KDM1A: variants seen among roughly 807,000 people sequenced by gnomAD.
The protein encoded by KDM1A is lysine-specific histone demethylase 1A.
In KDM1A, 49 loss-of-function variants were observed where a neutral mutation model predicts 109.4. The ratio of observed to expected loss-of-function variants is 0.45; its 90% CI spans 0.36 to 0.57. The LOEUF (loss-of-function observed/expected upper bound fraction) is 0.57. KDM1A is among the 20% of genes least tolerant of loss of function. The pLI, the probability that KDM1A is intolerant of heterozygous loss-of-function variation, is 0.00. For missense variants in KDM1A, 668 were observed against 1,116.6 expected, an observed-to-expected ratio of 0.60 and a Z score of 5.73; for synonymous variants, 380 against 415.4, an observed-to-expected ratio of 0.91 and a Z score of 1.04.
In KDM1A at chr1:23,055,175, A is replaced by G. The variant is rs369397752; in HGVS notation, c.883+14A>G. ...AACCCCTACCAAGTAAGGACCTCCT[A>G]CCTGGCTGATAAATTTTACATTTTT... On this transcript the variant is annotated intron_variant, in intron 6 of 20. Coordinates refer to ENST00000400181, the MANE Select transcript of KDM1A (RefSeq NM_001009999.3). The G allele has an allele frequency of 1.7e-5, 25 of 1,510,384 alleles. No homozygotes were observed. In the East Asian group the frequency reaches 3.0e-4, roughly 18 times the overall value. 93.6% of individuals were successfully genotyped at this position (1,510,384 alleles called of 1,614,324 possible).
At chr1:23,040,053 A>G (rs922464086) in intron 2 of KDM1A, among the ~76,000 whole-genome samples, 1 of 152,256 alleles carries the variant, frequency 6.6e-6, no homozygotes. Context: ...TTCAATTGAA[A>G]TCAGTAGGTT....
intron 9 of KDM1A, among the ~76,000 whole-genome samples, chr1:23,063,204 G>T (rs1311552607): frequency 1.2e-5 from 1 of 80,566 alleles, no homozygotes; most frequent in Non-Finnish European, 2.7e-5. Flanking sequence ...ATTGGGGGGG[G>T]GGTGTGGTGT....
chr1:23,020,686 C>A (rs1307847371), intron 1 of KDM1A: 1 of 152,192 alleles, frequency 6.6e-6, no homozygotes, highest in Non-Finnish European at 1.5e-5. Context: ...GTGTCACCAA[C>A]ATTACTTTTT....
chr1:23,070,322 T>A (rs950390533), intron 12 of KDM1A, among the ~76,000 whole-genome samples: 40 of 151,890 alleles, frequency 2.6e-4, no homozygotes, highest in Admixed American at 1.6e-3. Context: ...ATACAAAAAA[T>A]TTGCTGGGCA....
chr1:23,040,494 G>A (rs537792096), intron 2 of KDM1A, among the ~76,000 whole-genome samples: 2 of 152,268 alleles, frequency 1.3e-5, no homozygotes, highest in Admixed American at 6.5e-5. Flanking sequence ...CAAATAAGCT[G>A]TATGAAGAGT....
chr1:23,083,274 A>G lies in KDM1A; in HGVS notation c.2541A>G (p.Gly847=), dbSNP rs1401643326. The change falls in exon 21 of 21, where the codon GGA becomes GGG. Residue 847 remains glycine, a synonymous_variant. Coordinates refer to ENST00000400181, the MANE Select transcript of KDM1A (RefSeq NM_001009999.3). ...TGCTGAGTGGGCTGCGAGAAGCGGG[A>G]AGAATTGCAGACCAGTTTTTGGGGG... ...GALLSGLREA[G]RIADQFLGAM... The G allele has an allele frequency of 6.2e-7, 1 of 1,613,802 alleles. No individual in the cohort carries two copies. The highest frequency in any genetic ancestry group is 8.5e-7 in the Non-Finnish European group (1 of 1,179,980).
At chr1:23,074,020 T>G (rs1396692761) in intron 15 of KDM1A, among the ~76,000 whole-genome samples, 1 of 152,244 alleles carries the variant, frequency 6.6e-6, no homozygotes, top group African/African-American at 2.4e-5. Context: ...CTATGGAAAG[T>G]GGATTTTTAA....
intron 4 of KDM1A, 105 bp from the exon 5 acceptor site, chr1:23,053,656 G>A (rs907257988): frequency 9.8e-5 from 75 of 766,596 alleles, no homozygotes; most frequent in Middle Eastern, 9.7e-4. Flanking sequence ...AAACTGCTGG[G>A]ATTATAGGTG....
At chr1:23,064,001 C>T (rs755764375) in intron 9 of KDM1A, among the ~76,000 whole-genome samples, 1 of 152,212 alleles carries the variant, frequency 6.6e-6, no homozygotes, top group African/African-American at 2.4e-5. Flanking sequence ...GATTCTCCCC[C>T]TCAGCCTCGT....
At chr1:23,040,998 TG>T (rs1281766007) in intron 2 of KDM1A, among the ~76,000 whole-genome samples, 2 of 152,214 alleles carry the variant, frequency 1.3e-5, no homozygotes, top group Admixed American at 1.3e-4. Flanking sequence ...CTGCTGTTAA[TG>T]TGTCCTGAGC....
rs1039952580 is a variant in KDM1A, at chr1:23,071,429, T to C, written c.1548+70T>C. ...AGAAATAGCACAGATCTGGGGAATT[T>C]TGGAAAAGAGAGCCACTAGCCAATC... On this transcript the variant is annotated intron_variant, in intron 13 of 20. Coordinates refer to ENST00000400181, the MANE Select transcript of KDM1A (RefSeq NM_001009999.3). 8.1e-6 allele frequency: 12 copies of C among 1,472,508 alleles called. No individual in the cohort carries two copies. The East Asian group carries it at 9.4e-5, about 11-fold the overall frequency. 91.2% of individuals were successfully genotyped at this position (1,472,508 alleles called of 1,614,324 possible). A position where few individuals can be genotyped will look rare whatever the true frequency, so the allele number is the denominator to read the frequency against.
At position 23,079,227 on chromosome 1, in the gene KDM1A, GTCT is replaced by G. The variant is rs1269790100; in HGVS notation, c.2055+53_2055+55del. On this transcript the variant is annotated intron_variant, in intron 17 of 20. Coordinates refer to ENST00000400181, the MANE Select transcript of KDM1A (RefSeq NM_001009999.3). This position sits in a 1 kb window ranked among gnomAD's most constrained non-coding sequence, Gnocchi z 5.6. ...CTACAGATCTGATGTACAAATAGCAGTCTTCGTTGTTTACTTGGTGAGGAGGTG... is the reference window on the plus strand; with the variant it reads ...CTACAGATCTGATGTACAAATAGCAGTCGTTGTTTACTTGGTGAGGAGGTG... The G allele has an allele frequency of 5.8e-6, 9 of 1,560,334 alleles. No homozygotes were observed. The highest frequency in any genetic ancestry group is 7.8e-6 in the Non-Finnish European group (9 of 1,147,442).
At position 23,072,212 on chromosome 1, in the gene KDM1A, C is replaced by CA; in HGVS notation, c.1622+16dup. 1 of 1,586,374 alleles carries CA rather than the reference C, an allele frequency of 6.3e-7. No homozygotes were observed. Among genetic ancestry groups the CA allele is most frequent in the Non-Finnish European group, 8.6e-7 (1 of 1,157,662 alleles). On this transcript the variant is annotated intron_variant, in intron 14 of 20. Coordinates refer to ENST00000400181, the MANE Select transcript of KDM1A (RefSeq NM_001009999.3). The stretch of plus-strand genomic sequence containing the variant: ...AATCCCCCAAGGTAAGGAAAACAAA[C>CA]ACAAAAGTTCAGAGGGAGAGCTTTT...
intron 9 of KDM1A, among the ~76,000 whole-genome samples, chr1:23,064,378 C>G (rs76642504): frequency 0.01 from 1,528 of 152,260 alleles, 14 homozygotes; most frequent in Non-Finnish European, 0.015. Context: ...TAGAAGTGCT[C>G]GATGGCATGG....
chr1:23,044,666 C>T (rs1332927377), intron 3 of KDM1A, among the ~76,000 whole-genome samples, 180 bp downstream of exon 3: 1 of 152,116 alleles, frequency 6.6e-6, no homozygotes, highest in Non-Finnish European at 1.5e-5. Flanking sequence ...CAAGCAAAAC[C>T]TTTTGAAGTC....
rs1642443988 is a variant in KDM1A, at chr1:23,044,449, C to T, written c.540C>T (p.Asp180=). The part of the protein sequence containing the change: ...EPSGQAGGLQ[D]DSSGGYGDGQ... The stretch of plus-strand genomic sequence containing the variant: ...CAGGGCAAGCAGGAGGACTTCAAGA[C>T]GACAGTTCTGGAGGGTATGGAGACG... The change falls in exon 3 of 21, where the codon GAC becomes GAT. Residue 180 remains aspartate, a synonymous_variant. Coordinates refer to ENST00000400181, the MANE Select transcript of KDM1A (RefSeq NM_001009999.3). The T allele has an allele frequency of 5.0e-6, 8 of 1,613,192 alleles. No individual in the cohort carries two copies. Among genetic ancestry groups the T allele is most frequent in the East Asian group, 2.2e-5 (1 of 44,846 alleles).
Position 23,079,766 on chromosome 1 carries a change from T to A in KDM1A, c.2170+99T>A. The A allele has an allele frequency of 1.5e-6, 1 of 667,040 alleles. No homozygotes were observed. The highest frequency in any genetic ancestry group is 2.5e-6 in the Non-Finnish European group (1 of 407,158). The allele number at this position is 667,040 out of a possible 1,614,324, so 41.3% of individuals were successfully genotyped here. ...CAATATATATGCCTTAATTTCTCTC[T>A]TTATTAACTCAACAAACAATTCCTG... On this transcript the variant is annotated intron_variant, in intron 18 of 20. Transcript: ENST00000400181. This position sits in a 1 kb window ranked among gnomAD's most constrained non-coding sequence, Gnocchi z 5.6.
intron 2 of KDM1A, among the ~76,000 whole-genome samples, chr1:23,036,634 C>T (rs1428128941): frequency 1.3e-5 from 2 of 151,972 alleles, no homozygotes; most frequent in Non-Finnish European, 2.9e-5. Context: ...AAGATAAATA[C>T]GCTATACAAC....
intron 2 of KDM1A, among the ~76,000 whole-genome samples, chr1:23,042,646 G>T (rs1258645488): frequency 6.6e-6 from 1 of 150,462 alleles, no homozygotes; most frequent in Non-Finnish European, 1.5e-5. Flanking sequence ...TAGAGACGGG[G>T]TTTCACCGTT....
Sources: gnomAD v4.1 joint callset for allele counts (sites outside exome capture counted in the v4.1 genomes callset) on GRCh38, gnomAD v4.1.1 for gene constraint, Gnocchi (gnomAD v3.1) non-coding constraint, MANE v1.5 for transcripts, NCBI Gene and HGNC (gene_info 2026-07-23, HGNC 2026-07-21) for gene names.